Variants in AGMO observed in about 807,000 individuals in gnomAD.
The protein encoded by AGMO is alkylglycerol monooxygenase, also known as glyceryl-ether monooxygenase.
Under a neutral mutation model 60.2 loss-of-function variants are expected in AGMO, and 75 were observed. That is an observed-to-expected ratio of 1.25 (90% CI 1.03 to 1.51). The LOEUF (loss-of-function observed/expected upper bound fraction) is 1.51, where lower values mean the gene tolerates loss of function less well. AGMO is among the 40% of genes most tolerant of loss of function. AGMO has a pLI of 0.00. For missense variants in AGMO, 763 were observed against 525.5 expected (o/e 1.45, Z -4.42); for synonymous variants, 261 against 177.1 (o/e 1.47, Z -3.76).
chr7:15,339,620 A>G (rs1781770865), intron 12 of AGMO, among the ~76,000 whole-genome samples: 1 of 152,210 alleles, frequency 6.6e-6, no homozygotes, highest in Non-Finnish European at 1.5e-5. Flanking sequence ...GGGCAGTCCC[A>G]TTGAAGAAAT....
At chr7:15,247,478 A>AGG (rs1554401076) in intron 12 of AGMO, among the ~76,000 whole-genome samples, 1 of 147,302 alleles carries the variant, frequency 6.8e-6, no homozygotes, top group Non-Finnish European at 1.5e-5. Context: ...AGAGAGAGAG[A>AGG]GGGAGAGAGA....
intron 12 of AGMO, among the ~76,000 whole-genome samples, chr7:15,296,634 AT>A (rs1784416433): frequency 6.6e-6 from 1 of 152,200 alleles, no homozygotes; most frequent in Admixed American, 6.5e-5. Context: ...AATAAGCATA[AT>A]AACAGCAATA....
intron 3 of AGMO, among the ~76,000 whole-genome samples, chr7:15,443,558 C>T (rs1397789913): frequency 6.6e-6 from 1 of 152,092 alleles, no homozygotes; most frequent in South Asian, 2.1e-4. Flanking sequence ...TAACTACTTC[C>T]CTAGATTGAT....
intron 12 of AGMO, among the ~76,000 whole-genome samples, chr7:15,301,413 T>A (rs1468706473): frequency 5.9e-5 from 9 of 151,778 alleles, no homozygotes; most frequent in Non-Finnish European, 1.2e-4. Flanking sequence ...CACTCCAGCC[T>A]GGGAGACAGA....
intron 5 of AGMO, among the ~76,000 whole-genome samples, chr7:15,413,389 T>C (rs1780669938): frequency 6.6e-6 from 1 of 151,670 alleles, no homozygotes; most frequent in Admixed American, 6.6e-5. Context: ...CAGAGGGGAG[T>C]AGAAAGAGAA....
chr7:15,219,843 A>G (rs1781862504), intron 12 of AGMO, among the ~76,000 whole-genome samples: 1 of 152,144 alleles, frequency 6.6e-6, no homozygotes, highest in Non-Finnish European at 1.5e-5. Context: ...TTCTCCAAGG[A>G]GTATATACCT....
intron 12 of AGMO, among the ~76,000 whole-genome samples, chr7:15,203,266 T>C (rs971587683): frequency 5.3e-5 from 8 of 152,152 alleles, no homozygotes; most frequent in Non-Finnish European, 1.0e-4. Flanking sequence ...TAAAAATTTT[T>C]ACCTAAATAG....
chr7:15,185,875 T>G, the AGMO span, among the ~76,000 whole-genome samples: 1 of 152,334 alleles, frequency 6.6e-6, no homozygotes, highest in Non-Finnish European at 1.5e-5. Context: ...TTCCAAAAGT[T>G]CGAGGTATGC....
chr7:15,218,969 T>C (rs1781832912), intron 12 of AGMO, among the ~76,000 whole-genome samples: 1 of 152,148 alleles, frequency 6.6e-6, no homozygotes, highest in Non-Finnish European at 1.5e-5. Context: ...TAATAAAAGT[T>C]AAAATATGTA....
At chr7:15,493,949 G>T (rs980906831) in intron 3 of AGMO, among the ~76,000 whole-genome samples, 7 of 152,230 alleles carry the variant, frequency 4.6e-5, no homozygotes, top group Non-Finnish European at 7.4e-5. Context: ...ATCACATCAG[G>T]ATAAGTGGGG....
At chr7:15,366,409 G>T (rs1176398399) in intron 10 of AGMO, among the ~76,000 whole-genome samples, 187 bp from the exon 11 acceptor site, 1 of 152,042 alleles carries the variant, frequency 6.6e-6, no homozygotes, top group African/African-American at 2.4e-5. Flanking sequence ...TTCCTTGTTG[G>T]ACACTTGGAG....
At chr7:15,367,327 T>G (rs563786347) in intron 10 of AGMO, among the ~76,000 whole-genome samples, 1 of 152,082 alleles carries the variant, frequency 6.6e-6, no homozygotes, top group East Asian at 1.9e-4. Context: ...ATGCATTTAA[T>G]TTATATATTA....
intron 4 of AGMO, among the ~76,000 whole-genome samples, chr7:15,423,593 T>C (rs976939938): frequency 2.6e-5 from 4 of 152,310 alleles, no homozygotes; most frequent in Non-Finnish European, 5.9e-5. Context: ...TAATTGGAAA[T>C]AGCATCTTTA....
downstream of AGMO, among the ~76,000 whole-genome samples, chr7:15,197,056 G>GTT (rs924615598): frequency 4.0e-5 from 6 of 148,382 alleles, no homozygotes; most frequent in African/African-American, 1.5e-4. Context: ...TTTTGTTGTT[G>GTT]TTTTTTTTTT....
chr7:15,374,133 A>G (rs191441341), intron 10 of AGMO, among the ~76,000 whole-genome samples: 3 of 152,282 alleles, frequency 2.0e-5, no homozygotes, highest in Admixed American at 2.0e-4. Context: ...ATCCAATGTG[A>G]CACCATACTG....
chr7:15,286,817 C>A (rs1784112592), intron 12 of AGMO, among the ~76,000 whole-genome samples: 2 of 152,000 alleles, frequency 1.3e-5, no homozygotes, highest in Admixed American at 6.6e-5. Context: ...AGATATGGAA[C>A]CAATCTAAGT....
intron 12 of AGMO, among the ~76,000 whole-genome samples, chr7:15,343,815 CATTT>C (rs915073680): frequency 2.0e-5 from 3 of 152,128 alleles, no homozygotes; most frequent in African/African-American, 7.2e-5. Flanking sequence ...CAGAGAGATT[CATTT>C]ATTACCTAGT....
At chr7:15,465,469 C>G (rs1175792460) in intron 3 of AGMO, among the ~76,000 whole-genome samples, 1 of 151,064 alleles carries the variant, frequency 6.6e-6, no homozygotes, top group East Asian at 1.9e-4. Context: ...TTTGCCCAGG[C>G]TGGAGAACAG....
At chr7:15,455,195 A>G (rs1269133067) in intron 3 of AGMO, among the ~76,000 whole-genome samples, 3 of 151,242 alleles carry the variant, frequency 2.0e-5, no homozygotes, top group African/African-American at 7.3e-5. Context: ...CATTTTTGTG[A>G]CTATGAAGAT....
Sources: allele counts gnomAD v4.1 joint callset (sites outside exome capture counted in the v4.1 genomes callset), GRCh38; gene constraint gnomAD v4.1.1; transcripts MANE v1.5; gene names NCBI Gene and HGNC (gene_info 2026-07-23, HGNC 2026-07-21).